The following FAM184A variants were observed in gnomAD, a reference collection of about 807,000 sequenced individuals.
FAM184A encodes protein FAM184A.
In FAM184A, 99 loss-of-function variants were observed where a neutral mutation model predicts 143.8. The ratio of observed to expected loss-of-function variants is 0.69; its 90% CI spans 0.58 to 0.81. The LOEUF is 0.81. Ranked by LOEUF, FAM184A falls within the 40% of genes least tolerant of loss-of-function variation. The pLI is 0.00. For missense variants in FAM184A, 1,217 were observed against 1,310.5 expected (o/e 0.93, Z 1.10); for synonymous variants, 427 against 446.4 (o/e 0.96, Z 0.55).
intron 1 of FAM184A, among the ~76,000 whole-genome samples, chr6:119,061,512 T>C (rs1787239068): frequency 6.7e-6 from 1 of 148,814 alleles, no homozygotes; most frequent in Admixed American, 6.7e-5. Flanking sequence ...TGTGCTACCA[T>C]GCCTGGCTAA....
At chr6:119,061,252 T>A (rs906633693) in intron 1 of FAM184A, among the ~76,000 whole-genome samples, 4 of 152,172 alleles carry the variant, frequency 2.6e-5, no homozygotes, top group African/African-American at 9.7e-5. Context: ...ATTACCATCT[T>A]TAGGACCTTT....
At chr6:119,010,110 T>C (rs1410996716) in intron 6 of FAM184A, among the ~76,000 whole-genome samples, 1 of 152,204 alleles carries the variant, frequency 6.6e-6, no homozygotes, top group African/African-American at 2.4e-5. Flanking sequence ...ACAAAACTTG[T>C]GTGAACTGGG....
At chr6:118,977,954 T>TTTTA (rs542576952) in intron 11 of FAM184A, among the ~76,000 whole-genome samples, 15 of 152,082 alleles carry the variant, frequency 9.9e-5, no homozygotes, top group East Asian at 3.8e-4. Context: ...CAAAGACATA[T>TTTTA]TTTATTTATT....
chr6:119,080,473 A>C (rs1231557089), upstream of FAM184A, among the ~76,000 whole-genome samples: 3 of 152,124 alleles, frequency 2.0e-5, no homozygotes, highest in Admixed American at 6.6e-5. Context: ...CTGTCACTTC[A>C]TGAATTTAAT....
chr6:119,038,725 T>C (rs1193579606), intron 1 of FAM184A, among the ~76,000 whole-genome samples: 1 of 152,208 alleles, frequency 6.6e-6, no homozygotes, highest in African/African-American at 2.4e-5. Flanking sequence ...TTTCTTAATA[T>C]ACTTGTTTTC....
At chr6:118,969,993 A>AAAATATATATATATATATATATATAT (rs1554264562) in intron 14 of FAM184A, among the ~76,000 whole-genome samples, 6 of 24,384 alleles carry the variant, frequency 2.5e-4, no homozygotes, top group African/African-American at 7.2e-4. Context: ...ATATATATAT[A>AAAATATATATATATATATATATATAT]ATATATATAT....
chr6:119,100,803 AC>A (rs1268570195), intron 1 of FAM184A, among the ~76,000 whole-genome samples: 9 of 151,874 alleles, frequency 5.9e-5, no homozygotes, highest in Non-Finnish European at 1.0e-4. Flanking sequence ...CTAAAAAAAT[AC>A]AAAAATTAGC....
chr6:119,026,588 G>A (rs1363959543), intron 1 of FAM184A, among the ~76,000 whole-genome samples: 1 of 152,182 alleles, frequency 6.6e-6, no homozygotes, highest in Non-Finnish European at 1.5e-5. Flanking sequence ...GGTCAGACAT[G>A]CCTCATTATG....
At chr6:119,059,937 T>C (rs11966857) in intron 1 of FAM184A, among the ~76,000 whole-genome samples, 2,903 of 152,332 alleles carry the variant, frequency 0.019, 83 homozygotes, top group African/African-American at 0.066. Context: ...CTTCAAACCA[T>C]TGCATTTTTA....
intron 9 of FAM184A, among the ~76,000 whole-genome samples, chr6:118,986,171 T>C (rs894600665): frequency 3.9e-5 from 6 of 152,054 alleles, no homozygotes; most frequent in Admixed American, 6.6e-5. Context: ...CGGGCGCCTG[T>C]AGTCCCAGCT....
rs1783273199 is a variant in FAM184A, at chr6:118,960,153, A to G, written c.3373T>C (p.Ser1125Pro). The G allele has an allele frequency of 6.2e-7, 1 of 1,612,250 alleles. No homozygotes were observed. Among genetic ancestry groups the G allele is most frequent in the South Asian group, 1.1e-5 (1 of 90,882 alleles). ...CACTCCTGGCGCTGGGGATCTGGAG[A>G]AGCCACTGGAGAAGCTTCACTCTGA... Reference protein sequence around the residue: ...PAQSEASPVASPDPQRQEWFA... With the variant: ...PAQSEASPVAPPDPQRQEWFA... The change falls in exon 18 of 18, where the codon TCT becomes CCT. Residue 1125 changes from serine (S) to proline (P), a missense_variant. By Grantham distance (74) the Ser-to-Pro change is moderately conservative. Coordinates refer to ENST00000338891, the MANE Select transcript of FAM184A (RefSeq NM_024581.6).
chr6:119,056,904 G>A (rs17080794), intron 1 of FAM184A, among the ~76,000 whole-genome samples: 7,384 of 152,148 alleles, frequency 0.049, 402 homozygotes, highest in African/African-American at 0.14. Context: ...CCATCTGCCC[G>A]TTTCTCAAAC....
intron 11 of FAM184A, among the ~76,000 whole-genome samples, chr6:118,976,530 G>A (rs985947353): frequency 6.6e-6 from 1 of 152,008 alleles, no homozygotes; most frequent in African/African-American, 2.4e-5. Context: ...CAGGCATGGT[G>A]GTAGGTTCCT....
At chr6:119,023,165 T>C in intron 2 of FAM184A, 85 bp from the exon 3 acceptor site, 1 of 1,444,140 alleles carries the variant, frequency 6.9e-7, no homozygotes, top group Non-Finnish European at 9.5e-7. Flanking sequence ...GTCAGCTTTC[T>C]CTTATTCAGA....
At chr6:119,131,120 A>C (rs1281743817) in intron 1 of FAM184A, among the ~76,000 whole-genome samples, 1 of 152,000 alleles carries the variant, frequency 6.6e-6, no homozygotes, top group Non-Finnish European at 1.5e-5. Context: ...CTGCCTCCCA[A>C]AGTGTTGGGA....
At chr6:119,094,765 T>TAAA (rs36001723) in intron 1 of FAM184A, among the ~76,000 whole-genome samples, 3 of 145,726 alleles carry the variant, frequency 2.1e-5, no homozygotes, top group Non-Finnish European at 1.5e-5. Flanking sequence ...GATGGAAAAG[T>TAAA]AAAAAAAAAA....
intron 9 of FAM184A, among the ~76,000 whole-genome samples, chr6:118,991,202 C>T (rs1407995493): frequency 2.7e-5 from 4 of 148,898 alleles, no homozygotes; most frequent in Admixed American, 6.7e-5. Flanking sequence ...CTTGCTCTGT[C>T]GCTCAGGCTG....
At chr6:119,012,905 A>G (rs980384244) in intron 5 of FAM184A, among the ~76,000 whole-genome samples, 7 of 152,214 alleles carry the variant, frequency 4.6e-5, no homozygotes, top group African/African-American at 1.4e-4. Context: ...TGGTGGGTCA[A>G]CTACAGTTAT....
chr6:119,073,014 T>C (rs917792711), intron 1 of FAM184A, among the ~76,000 whole-genome samples: 1 of 152,158 alleles, frequency 6.6e-6, no homozygotes, highest in African/African-American at 2.4e-5. Context: ...CATATTAAGG[T>C]TACATGTAAT....
Sources: allele counts gnomAD v4.1 joint callset (sites outside exome capture counted in the v4.1 genomes callset), GRCh38; gene constraint gnomAD v4.1.1; transcripts MANE v1.5; gene names NCBI Gene and HGNC (gene_info 2026-07-23, HGNC 2026-07-21).